Variants in CLDN16 observed in about 807,000 individuals in gnomAD.
CLDN16 encodes the protein claudin-16.
In CLDN16, 13 loss-of-function variants were observed where a neutral mutation model predicts 24.6. The ratio of observed to expected loss-of-function variants is 0.53; its 90% CI spans 0.34 to 0.84. The LOEUF is 0.84. CLDN16 is among the 40% of genes least tolerant of loss of function. The pLI, the probability that CLDN16 is intolerant of heterozygous loss-of-function variation, is 0.01. For missense variants in CLDN16, 298 were observed against 292.7 expected (o/e 1.02, Z -0.13); for synonymous variants, 116 against 106.7 (o/e 1.09, Z -0.54).
At chr3:190,385,338 C>T (rs915483887), upstream of CLDN16, among the ~76,000 whole-genome samples, 7 of 152,164 alleles carry the variant, frequency 4.6e-5, no homozygotes, top group African/African-American at 1.7e-4. Context: ...CACATCCCAT[C>T]CATGAAGTGT....
At chr3:190,376,005 C>G (rs1413063481) in intron 3 of CLDN16, among the ~76,000 whole-genome samples, 1 of 151,802 alleles carries the variant, frequency 6.6e-6, no homozygotes, top group African/African-American at 2.4e-5. Context: ...TGCCAAGCAG[C>G]ACAATTATTC....
At chr3:190,332,878 T>C (rs995663017) in intron 1 of CLDN16, among the ~76,000 whole-genome samples, 1 of 152,030 alleles carries the variant, frequency 6.6e-6, no homozygotes, top group Admixed American at 6.6e-5. Context: ...TGGCATACAC[T>C]TTGCTTTATT....
the CLDN16 span, chr3:190,306,937 A>G: frequency 2.6e-5 from 4 of 152,712 alleles, no homozygotes; most frequent in East Asian, 7.7e-4. Flanking sequence ...GTGGAAATAG[A>G]CTGGTAGAGA....
chr3:190,300,360 C>A, the CLDN16 span, among the ~76,000 whole-genome samples: 4 of 142,708 alleles, frequency 2.8e-5, no homozygotes, highest in Non-Finnish European at 5.9e-5. Flanking sequence ...ATGGGCTGGC[C>A]ACAAGGCTTT....
intron 1 of CLDN16, among the ~76,000 whole-genome samples, chr3:190,343,127 AC>A (rs149259682): frequency 0.037 from 5,622 of 152,234 alleles, 187 homozygotes; most frequent in East Asian, 0.14. Context: ...AAAACTTATA[AC>A]CCACTTATAA....
intron 1 of CLDN16, among the ~76,000 whole-genome samples, chr3:190,336,862 A>G (rs1440494151): frequency 1.3e-5 from 2 of 152,270 alleles, no homozygotes; most frequent in Non-Finnish European, 2.9e-5. Flanking sequence ...CAGCCCCAAC[A>G]GCAATTATTT....
intron 1 of CLDN16, among the ~76,000 whole-genome samples, chr3:190,368,300 C>T (rs1255646966): frequency 4.6e-5 from 7 of 152,036 alleles, no homozygotes; most frequent in Non-Finnish European, 1.0e-4. Flanking sequence ...ATCTGATGAT[C>T]AGACAATAAC....
At chr3:190,295,773 A>T in the CLDN16 span, among the ~76,000 whole-genome samples, 1 of 152,228 alleles carries the variant, frequency 6.6e-6, no homozygotes, top group African/African-American at 2.4e-5. Flanking sequence ...TGTCTGAACT[A>T]AATGTAGAAA....
intron 1 of CLDN16, among the ~76,000 whole-genome samples, chr3:190,344,642 T>C (rs1023829957): frequency 4.6e-5 from 7 of 151,980 alleles, no homozygotes; most frequent in Non-Finnish European, 8.8e-5. Flanking sequence ...CATTAAGAAT[T>C]AAATCACTAA....
intron 1 of CLDN16, among the ~76,000 whole-genome samples, chr3:190,338,952 T>C (rs190033035): frequency 6.6e-6 from 1 of 152,170 alleles, no homozygotes; most frequent in Admixed American, 6.5e-5. Context: ...CACTGTAGGG[T>C]TGTCCTCAGC....
chr3:190,401,176 A>G (rs16865441), intron 1 of CLDN16, among the ~76,000 whole-genome samples: 7,405 of 152,154 alleles, frequency 0.049, 467 homozygotes, highest in African/African-American at 0.14. Flanking sequence ...GTAGAATTTT[A>G]TTTGGCACAT....
intron 1 of CLDN16, among the ~76,000 whole-genome samples, chr3:190,327,083 A>C (rs1213717882): frequency 6.6e-6 from 1 of 152,170 alleles, no homozygotes; most frequent in Non-Finnish European, 1.5e-5. Flanking sequence ...AGGGAGAGAC[A>C]GAGATTTATT....
intron 1 of CLDN16, among the ~76,000 whole-genome samples, chr3:190,339,926 G>A (rs970505198): frequency 6.6e-6 from 1 of 152,100 alleles, no homozygotes. Context: ...TTAAATATTA[G>A]CAAATCAAAT....
At position 190,402,300 on chromosome 3, in the gene CLDN16, A is replaced by G. The variant is rs111986587; in HGVS notation, c.115-37A>G. The G allele has an allele frequency of 6.7e-6, 10 of 1,486,200 alleles. 1 individual carries two copies. Among genetic ancestry groups the G allele is most frequent in the African/African-American group, 1.4e-5 (1 of 72,280 alleles). 92.1% of individuals were successfully genotyped at this position (1,486,200 alleles called of 1,614,324 possible). A position where few individuals can be genotyped will look rare whatever the true frequency, so the allele number is the denominator to read the frequency against. On this transcript the variant is annotated intron_variant, in intron 1 of 4. Coordinates refer to ENST00000264734, the MANE Select transcript of CLDN16 (RefSeq NM_006580.4). ...TCAAGGGGAACTGAACTGTGCCTGC[A>G]TGAATTGTTTCACACGGTGTCTTCT...
chr3:190,385,171 T>C (rs9816037), upstream of CLDN16, among the ~76,000 whole-genome samples: 28,225 of 152,064 alleles, frequency 0.19, 3,035 homozygotes, highest in Middle Eastern at 0.29. Context: ...CTGGATGGAA[T>C]GGAATTAAAC....
chr3:190,371,116 T>C (rs1446971033), intron 2 of CLDN16: 1 of 148,470 alleles, frequency 6.7e-6, no homozygotes, highest in African/African-American at 2.5e-5. Flanking sequence ...TATATATATT[T>C]ATCCTATTAG....
chr3:190,410,802 T>C lies in CLDN16; in HGVS notation c.*766T>C, dbSNP rs1719257411. 1 of 152,218 alleles carries C rather than the reference T, an allele frequency of 6.6e-6. No homozygotes were observed. Among genetic ancestry groups the C allele is most frequent in the South Asian group, 2.1e-4 (1 of 4,834 alleles). The allele number at this position is 152,218 out of a possible 1,614,324, so 9.4% of individuals were successfully genotyped here. On this transcript the variant is annotated 3_prime_UTR_variant, in exon 5 of 5. Transcript: ENST00000264734. ...TTCAACCAGAGAATTTACTCATTTA[T>C]TGATTAAACATCCAAATACTATTGT...
the CLDN16 span, chr3:190,305,941 A>T: frequency 6.6e-6 from 1 of 152,330 alleles, no homozygotes; most frequent in East Asian, 1.9e-4. Flanking sequence ...CATCATGAAG[A>T]TCTATGTATG....
intron 1 of CLDN16, among the ~76,000 whole-genome samples, chr3:190,399,788 T>C (rs1223533631): frequency 6.6e-6 from 1 of 151,934 alleles, no homozygotes; most frequent in Admixed American, 6.6e-5. Context: ...CCAGTACTAG[T>C]CCGTGGCCTG....
Sources: gnomAD v4.1 joint callset for allele counts (sites outside exome capture counted in the v4.1 genomes callset) on GRCh38, gnomAD v4.1.1 for gene constraint, MANE v1.5 for transcripts, NCBI Gene and HGNC (gene_info 2026-07-23, HGNC 2026-07-21) for gene names.